AGO3: variants seen among roughly 807,000 people sequenced by gnomAD.
The protein encoded by AGO3 is protein argonaute-3.
A neutral mutation model predicts 105.5 loss-of-function variants in AGO3; 16 were observed. The observed-to-expected ratio is 0.15, with a 90% CI of 0.10 to 0.23. The LOEUF (loss-of-function observed/expected upper bound fraction) is 0.23, where lower values mean the gene tolerates loss of function less well. AGO3 is among the 10% of genes least tolerant of loss of function. AGO3 has a pLI of 1.00. For synonymous variants in AGO3, 340 were observed against 367.3 expected (o/e 0.93, Z 0.85); for missense variants, 534 against 1,088.0 (o/e 0.49, Z 7.16).
At chr1:35,987,264 G>T (rs1412002642) in intron 5 of AGO3, among the ~76,000 whole-genome samples, 1 of 151,726 alleles carries the variant, frequency 6.6e-6, no homozygotes, top group Admixed American at 6.6e-5. Flanking sequence ...GGAGGCAGAG[G>T]TTGCAGCGAG....
At chr1:35,972,344 A>G in intron 4 of AGO3, 112 bp downstream of exon 4, 1 of 1,204,220 alleles carries the variant, frequency 8.3e-7, no homozygotes, top group Non-Finnish European at 1.2e-6. Flanking sequence ...TTCAACTGAA[A>G]TGTTGAACAA....
chr1:35,962,624 G>A (rs1377880013), intron 2 of AGO3, among the ~76,000 whole-genome samples: 9 of 151,564 alleles, frequency 5.9e-5, no homozygotes, highest in African/African-American at 1.7e-4. Flanking sequence ...ACAGTATAGA[G>A]AACTCAGATT....
intron 17 of AGO3, 93 bp downstream of exon 17, chr1:36,043,641 C>A: frequency 9.8e-7 from 1 of 1,016,438 alleles, no homozygotes; most frequent in Non-Finnish European, 1.4e-6. Context: ...AAGAAATACT[C>A]TTTGCATTCC....
At position 35,931,465 on chromosome 1, in the gene AGO3, C is replaced by G; in HGVS notation, c.19+20C>G. ...CCGCAGGTGAGTCAGAGTAGCTGGG[C>G]CAGGTAGGGGATGTCACCCAGCTAC... On this transcript the variant is annotated intron_variant, in intron 1 of 18. Transcript: ENST00000373191. The G allele has an allele frequency of 6.7e-7, 1 of 1,499,300 alleles. No individual in the cohort carries two copies. The highest frequency in any genetic ancestry group is 8.9e-7 in the Non-Finnish European group (1 of 1,122,340). 92.9% of individuals were successfully genotyped at this position (1,499,300 alleles called of 1,614,324 possible).
At chr1:35,951,853 T>C (rs1646475401) in intron 2 of AGO3, among the ~76,000 whole-genome samples, 1 of 152,222 alleles carries the variant, frequency 6.6e-6, no homozygotes, top group Admixed American at 6.5e-5. Context: ...AGAGGGGGCA[T>C]ATTTCATTTT....
intron 3 of AGO3, 104 bp from the exon 4 acceptor site, chr1:35,971,918 CTT>C: frequency 1.8e-6 from 2 of 1,093,074 alleles, no homozygotes; most frequent in Non-Finnish European, 2.6e-6. Context: ...AGTCTATTGA[CTT>C]TATTTTTGCC....
intron 1 of AGO3, among the ~76,000 whole-genome samples, chr1:35,939,557 A>G (rs1646214989): frequency 6.6e-6 from 1 of 152,180 alleles, no homozygotes; most frequent in African/African-American, 2.4e-5. Flanking sequence ...CCTGGGACAT[A>G]TGGGAAATCT....
chr1:36,034,643 A>T (rs1339873330), intron 13 of AGO3, among the ~76,000 whole-genome samples: 1 of 152,152 alleles, frequency 6.6e-6, no homozygotes, highest in African/African-American at 2.4e-5. Context: ...AAGCCCCAAA[A>T]ATTTTCATTT....
At chr1:35,932,229 A>G (rs1448939920) in intron 1 of AGO3, among the ~76,000 whole-genome samples, 1 of 152,230 alleles carries the variant, frequency 6.6e-6, no homozygotes, top group Non-Finnish European at 1.5e-5. Context: ...TTATGGTTCT[A>G]AAGTAATTAA....
chr1:35,952,637 CTTT>C (rs1186482918), intron 2 of AGO3, among the ~76,000 whole-genome samples: 2 of 152,018 alleles, frequency 1.3e-5, no homozygotes, highest in Non-Finnish European at 2.9e-5. Context: ...TTTACTGTAC[CTTT>C]TTATGTTTAG....
intron 2 of AGO3, among the ~76,000 whole-genome samples, chr1:35,966,684 C>G (rs183049737): frequency 6.6e-6 from 1 of 152,278 alleles, no homozygotes; most frequent in Admixed American, 6.5e-5. Context: ...GAATCACTTT[C>G]TAAGAATATT....
chr1:36,043,053 T>C (rs1397045360), intron 16 of AGO3, among the ~76,000 whole-genome samples: 1 of 152,234 alleles, frequency 6.6e-6, no homozygotes, highest in Non-Finnish European at 1.5e-5. Context: ...TCTCTCTCTC[T>C]AAACATCTAG....
intron 11 of AGO3, among the ~76,000 whole-genome samples, chr1:36,016,095 G>C (rs1443405882): frequency 5.3e-5 from 8 of 152,156 alleles, no homozygotes; most frequent in African/African-American, 1.4e-4. Flanking sequence ...AAGATGATTT[G>C]AACAGTTAGC....
At chr1:35,947,978 G>A (rs1557645732) in intron 2 of AGO3, among the ~76,000 whole-genome samples, 1 of 152,240 alleles carries the variant, frequency 6.6e-6, no homozygotes, top group East Asian at 1.9e-4. Flanking sequence ...GATTACTTAA[G>A]CCCAGGAGTT....
In AGO3 at chr1:36,063,616, G is replaced by T. The variant is rs1388386265; in HGVS notation, c.*7871G>T. 6.6e-6 allele frequency: 1 copy of T among 152,148 alleles called. No homozygotes were observed. The highest frequency in any genetic ancestry group is 1.5e-5 in the Non-Finnish European group (1 of 68,034). 9.4% of individuals were successfully genotyped at this position (152,148 alleles called of 1,614,324 possible). ...CAATGAAGAAATCAGAGTTTAAGTGGCTAGGGAGAGCCAGGTATAAAGACT... is the reference window on the plus strand; with the variant it reads ...CAATGAAGAAATCAGAGTTTAAGTGTCTAGGGAGAGCCAGGTATAAAGACT... On this transcript the variant is annotated 3_prime_UTR_variant, in exon 19 of 19. Transcript: ENST00000373191.
intron 2 of AGO3, among the ~76,000 whole-genome samples, chr1:35,958,455 G>C (rs1646614505): frequency 6.6e-6 from 1 of 151,892 alleles, no homozygotes; most frequent in Non-Finnish European, 1.5e-5. Context: ...GATCTCAGGA[G>C]TTCAAGACCA....
intron 11 of AGO3, among the ~76,000 whole-genome samples, chr1:36,020,033 A>G (rs780114948): frequency 2.0e-5 from 3 of 152,286 alleles, no homozygotes; most frequent in Non-Finnish European, 2.9e-5. Context: ...TGGCCTCCCA[A>G]AGTGCTGGGA....
chr1:36,052,107 C>G (rs1009565278), intron 17 of AGO3, among the ~76,000 whole-genome samples: 1 of 152,142 alleles, frequency 6.6e-6, no homozygotes, highest in Non-Finnish European at 1.5e-5. Flanking sequence ...AAGAAGATAT[C>G]TGCATCCCCA....
rs1571395875 is a variant in AGO3, at chr1:35,931,563, G to T, written c.19+118G>T. On this transcript the variant is annotated intron_variant, in intron 1 of 18. Coordinates refer to ENST00000373191, the MANE Select transcript of AGO3 (RefSeq NM_024852.4). ...GTGAGCGTCGGGCGGGCATCGCTCG[G>T]TCTCCCGCCCCTCGCCCTGCTCCTC... 2.0e-5 allele frequency: 23 copies of T among 1,125,790 alleles called. No individual in the cohort carries two copies. In the East Asian group the frequency reaches 7.4e-4, roughly 36 times the overall value. 69.7% of individuals were successfully genotyped at this position (1,125,790 alleles called of 1,614,324 possible).
Sources: allele counts gnomAD v4.1 joint callset (sites outside exome capture counted in the v4.1 genomes callset), GRCh38; gene constraint gnomAD v4.1.1; transcripts MANE v1.5; gene names NCBI Gene and HGNC (gene_info 2026-07-23, HGNC 2026-07-21).